Variants in IL1RAPL2 observed in about 807,000 individuals in gnomAD.
The protein encoded by IL1RAPL2 is interleukin 1 receptor accessory protein like 2.
A neutral mutation model predicts 44.1 loss-of-function variants in IL1RAPL2; 3 were observed. The observed-to-expected ratio is 0.07, with a 90% CI of 0.03 to 0.18. The LOEUF is 0.18. Among genes scored for constraint, IL1RAPL2 ranks in the 10% least tolerant of loss-of-function variants. The pLI is 1.00. For synonymous variants in IL1RAPL2, 181 were observed against 178.8 expected (o/e 1.01, Z -0.10); for missense variants, 391 against 496.4 (o/e 0.79, Z 2.02).
chrX:104,841,946 T>C (rs757501251), intron 2 of IL1RAPL2, among the ~76,000 whole-genome samples: 5 of 110,929 alleles, frequency 4.5e-5, no homozygotes, highest in African/African-American at 6.6e-5. Flanking sequence ...TCTTGCTAGG[T>C]TGGGGAAGGT....
chrX:104,778,851 T>C (rs1932755902), intron 2 of IL1RAPL2, among the ~76,000 whole-genome samples: 1 of 110,309 alleles, frequency 9.1e-6, no homozygotes, highest in Admixed American at 9.8e-5. Flanking sequence ...TCCTTATCCA[T>C]GAACTCAAGT....
At chrX:105,495,966 A>G (rs947408886) in intron 6 of IL1RAPL2, among the ~76,000 whole-genome samples, 14 of 111,581 alleles carry the variant, frequency 1.3e-4, no homozygotes, top group South Asian at 3.8e-4. Context: ...GCTGACCAGC[A>G]TTTAACATCA....
chrX:105,326,584 G>C (rs1046648833), intron 5 of IL1RAPL2, among the ~76,000 whole-genome samples: 1 of 111,485 alleles, frequency 9.0e-6, no homozygotes, highest in African/African-American at 3.3e-5. Flanking sequence ...GTAAAGACTT[G>C]TGTATGGTAT....
chrX:105,699,279 G>A (rs775180078), intron 6 of IL1RAPL2, among the ~76,000 whole-genome samples: 6 of 111,046 alleles, frequency 5.4e-5, no homozygotes, highest in Non-Finnish European at 1.1e-4. Context: ...TCACCCAACT[G>A]CCACAATATT....
intron 6 of IL1RAPL2, among the ~76,000 whole-genome samples, chrX:105,577,198 C>A (rs1487572667): frequency 1.8e-5 from 2 of 111,238 alleles, no homozygotes; most frequent in African/African-American, 6.5e-5. Context: ...AAAAATTTCA[C>A]CATCTTTTAA....
At chrX:105,725,163 T>C (rs2038340201) in intron 7 of IL1RAPL2, among the ~76,000 whole-genome samples, 1 of 111,666 alleles carries the variant, frequency 9.0e-6, no homozygotes, top group African/African-American at 3.3e-5. Context: ...GACAATTGCT[T>C]TGTCCCAACA....
intron 6 of IL1RAPL2, among the ~76,000 whole-genome samples, chrX:105,685,660 T>C (rs913056628): frequency 9.0e-6 from 1 of 111,523 alleles, no homozygotes; most frequent in Non-Finnish European, 1.9e-5. Flanking sequence ...TTCCCCAACC[T>C]AGCAAGGCAG....
chrX:104,585,247 GATATATA>G (rs1928490776), intron 1 of IL1RAPL2, among the ~76,000 whole-genome samples: 2 of 20,654 alleles, frequency 9.7e-5, no homozygotes, highest in Non-Finnish European at 1.5e-4. Flanking sequence ...TATAATATAT[GATATATA>G]ATATATATAT....
At chrX:104,900,024 C>T (rs749725561) in intron 2 of IL1RAPL2, among the ~76,000 whole-genome samples, 33 of 111,667 alleles carry the variant, frequency 3.0e-4, no homozygotes, top group Non-Finnish European at 5.6e-4. Context: ...CCATAATACA[C>T]AATTTAATTT....
intron 2 of IL1RAPL2, among the ~76,000 whole-genome samples, chrX:105,113,727 G>A (rs1303743966): frequency 9.0e-6 from 1 of 111,368 alleles, no homozygotes; most frequent in Non-Finnish European, 1.9e-5. Flanking sequence ...TCATCTTATT[G>A]TAGATTATAT....
At chrX:104,917,745 AG>A (rs1924503256) in intron 2 of IL1RAPL2, among the ~76,000 whole-genome samples, 1 of 112,098 alleles carries the variant, frequency 8.9e-6, no homozygotes, top group Non-Finnish European at 1.9e-5. Flanking sequence ...TTCCCAGCTG[AG>A]GTGAGCCATC....
intron 6 of IL1RAPL2, among the ~76,000 whole-genome samples, chrX:105,699,268 G>A (rs895723465): frequency 1.8e-5 from 2 of 111,106 alleles, no homozygotes; most frequent in East Asian, 2.9e-4. Context: ...CATGCATTCT[G>A]TCACCCAACT....
intron 2 of IL1RAPL2, among the ~76,000 whole-genome samples, chrX:105,072,817 G>A (rs1160287863): frequency 9.1e-6 from 1 of 109,662 alleles, no homozygotes; most frequent in African/African-American, 3.3e-5. Flanking sequence ...AGGCCCTGGT[G>A]TGTGATGTTC....
chrX:104,896,853 G>A (rs777076373), intron 2 of IL1RAPL2, among the ~76,000 whole-genome samples: 9 of 111,291 alleles, frequency 8.1e-5, no homozygotes, highest in Non-Finnish European at 1.7e-4. Flanking sequence ...CCTGAAGTCA[G>A]TGAGACCACA....
intron 4 of IL1RAPL2, among the ~76,000 whole-genome samples, chrX:105,255,476 A>G (rs2034306369): frequency 8.9e-6 from 1 of 112,054 alleles, no homozygotes; most frequent in African/African-American, 3.2e-5. Context: ...GGTATATTCC[A>G]GAGGAATATA....
chrX:104,808,282 A>G (rs911716152), intron 2 of IL1RAPL2, among the ~76,000 whole-genome samples: 52 of 111,838 alleles, frequency 4.6e-4, no homozygotes, highest in African/African-American at 9.1e-4. Context: ...TATATTTTAT[A>G]TCACCATTTT....
intron 4 of IL1RAPL2, among the ~76,000 whole-genome samples, chrX:105,236,616 C>T (rs1209562645): frequency 9.0e-6 from 1 of 111,123 alleles, no homozygotes; most frequent in East Asian, 2.8e-4. Flanking sequence ...CTCTTAGCCC[C>T]TACAGTATAC....
At chrX:105,312,918 T>C (rs545285907) in intron 5 of IL1RAPL2, among the ~76,000 whole-genome samples, 1 of 111,956 alleles carries the variant, frequency 8.9e-6, no homozygotes, top group Non-Finnish European at 1.9e-5. Flanking sequence ...TTTCTCCATA[T>C]GCCCAAGATA....
chrX:105,579,518 T>G (rs1213240908), intron 6 of IL1RAPL2, among the ~76,000 whole-genome samples: 5 of 111,724 alleles, frequency 4.5e-5, no homozygotes, highest in African/African-American at 1.6e-4. Context: ...ATTGTTGTTA[T>G]TAATAAACAA....
Sources: allele counts gnomAD v4.1 joint callset (sites outside exome capture counted in the v4.1 genomes callset), GRCh38; gene constraint gnomAD v4.1.1; transcripts MANE v1.5; gene names NCBI Gene and HGNC (gene_info 2026-07-23, HGNC 2026-07-21).